SCN8A: variants seen among roughly 807,000 people sequenced by gnomAD.
SCN8A encodes sodium voltage-gated channel alpha subunit 8, also known as sodium channel protein type 8 subunit alpha.
Under a neutral mutation model 184.1 loss-of-function variants are expected in SCN8A, and 30 were observed. The ratio of observed to expected loss-of-function variants is 0.16; its 90% CI spans 0.12 to 0.22. SCN8A has a LOEUF of 0.22. Ranked by LOEUF, SCN8A falls within the 10% of genes least tolerant of loss-of-function variation. The pLI, the probability that SCN8A is intolerant of heterozygous loss-of-function variation, is 1.00. For synonymous variants in SCN8A, 852 were observed against 907.0 expected (o/e 0.94, Z 1.09); for missense variants, 1,057 against 2,498.9 (o/e 0.42, Z 12.30).
At chr12:51,616,084 A>G in intron 1 of SCN8A, among the ~76,000 whole-genome samples, 1 of 152,168 alleles carries the variant, frequency 6.6e-6, no homozygotes, top group East Asian at 1.9e-4. Flanking sequence ...TATTACATTT[A>G]CCTTGGTATT....
intron 15 of SCN8A, among the ~76,000 whole-genome samples, chr12:51,765,290 G>A (rs1942821203): frequency 6.6e-6 from 1 of 151,850 alleles, no homozygotes; most frequent in Admixed American, 6.6e-5. Flanking sequence ...TCCCATACTA[G>A]TCTTTTGGTT....
chr12:51,715,605 C>T (rs2138769011), intron 11 of SCN8A, among the ~76,000 whole-genome samples: 1 of 134,758 alleles, frequency 7.4e-6, no homozygotes, highest in East Asian at 2.2e-4. Context: ...TTTCAGCAAG[C>T]CAAGATTGCA....
intron 5 of SCN8A, chr12:51,688,611 G>A (rs891110055): frequency 3.4e-5 from 21 of 626,060 alleles, no homozygotes; most frequent in Non-Finnish European, 5.1e-5. Context: ...AAAAACAAAT[G>A]TTCCTTAAAT....
intron 11 of SCN8A, among the ~76,000 whole-genome samples, chr12:51,716,087 A>C (rs1445564869): frequency 6.6e-6 from 1 of 152,234 alleles, no homozygotes; most frequent in Non-Finnish European, 1.5e-5. Flanking sequence ...TAATCTCAGC[A>C]CTTTGGGAGG....
chr12:51,713,738 A>C (rs964300534), intron 11 of SCN8A: 1 of 324,136 alleles, frequency 3.1e-6, no homozygotes, highest in Non-Finnish European at 5.5e-6. Context: ...TAATTGCTCT[A>C]TTGCAGCAGT....
intron 1 of SCN8A, among the ~76,000 whole-genome samples, chr12:51,645,110 C>A (rs1470649729): frequency 2.0e-5 from 3 of 149,042 alleles, no homozygotes; most frequent in African/African-American, 7.4e-5. Context: ...CCAGCCGCCC[C>A]GTCTGGCAGG....
intron 16 of SCN8A, chr12:51,766,301 A>T (rs1258692988): frequency 2.0e-6 from 1 of 504,694 alleles, no homozygotes; most frequent in Non-Finnish European, 3.6e-6. Flanking sequence ...TCCCAAATAA[A>T]TATAGGGCTT....
intron 6 of SCN8A, 100 bp downstream of exon 6, chr12:51,689,196 T>C: frequency 1.1e-6 from 1 of 882,552 alleles, no homozygotes; most frequent in South Asian, 1.6e-5. Flanking sequence ...CAGTTGATAA[T>C]GGCCTTGCAT....
Position 51,705,226 on chromosome 12 carries a change from G to A in SCN8A, c.1135-191G>A, listed in dbSNP as rs552433182. ...GGAGATAACTACTGCCATTTAATAT[G>A]AGTTGAGGATAAGTGAAACCATTCA... On this transcript the variant is annotated intron_variant, in intron 9 of 26. Transcript: ENST00000627620. Among the ~76,000 whole-genome samples the A allele has an allele frequency of 7.2e-5, 11 of 152,276 alleles. No homozygotes were observed. In the East Asian group the frequency reaches 1.2e-3, roughly 16 times the overall value.
intron 2 of SCN8A, among the ~76,000 whole-genome samples, chr12:51,679,782 G>C (rs1941296763): frequency 6.8e-6 from 1 of 147,954 alleles, no homozygotes; most frequent in African/African-American, 2.6e-5. Context: ...CTGGAGTGCA[G>C]TGGTGCAATC....
chr12:51,709,507 A>G (rs1337566451), intron 11 of SCN8A, among the ~76,000 whole-genome samples: 3 of 152,208 alleles, frequency 2.0e-5, no homozygotes, highest in African/African-American at 7.2e-5. Flanking sequence ...GCCATGATCA[A>G]TGGATTGAAA....
chr12:51,749,551 A>G (rs1236424675), intron 13 of SCN8A, among the ~76,000 whole-genome samples: 1 of 152,118 alleles, frequency 6.6e-6, no homozygotes, highest in Non-Finnish European at 1.5e-5. Context: ...AACTATATTT[A>G]CCTTAGGAAG....
At chr12:51,750,296 A>T (rs1036882137) in intron 13 of SCN8A, among the ~76,000 whole-genome samples, 1 of 152,168 alleles carries the variant, frequency 6.6e-6, no homozygotes, top group African/African-American at 2.4e-5. Context: ...GTTTGACAAT[A>T]ACACTTTCTG....
At chr12:51,614,441 C>T (rs1342708333) in intron 1 of SCN8A, among the ~76,000 whole-genome samples, 1 of 151,996 alleles carries the variant, frequency 6.6e-6, no homozygotes, top group African/African-American at 2.4e-5. Context: ...ATTTATTTTC[C>T]ACTTTTTACT....
intron 2 of SCN8A, among the ~76,000 whole-genome samples, chr12:51,669,178 A>G (rs1666536729): frequency 6.6e-6 from 1 of 152,236 alleles, no homozygotes; most frequent in African/African-American, 2.4e-5. Flanking sequence ...TTTCAGCCTC[A>G]TAATCATCTT....
intron 1 of SCN8A, among the ~76,000 whole-genome samples, chr12:51,615,881 C>CT (rs1419261999): frequency 1.3e-5 from 2 of 151,904 alleles, no homozygotes; most frequent in Admixed American, 6.6e-5. Context: ...TCCTTCATGC[C>CT]TGGCTAATTT....
intron 1 of SCN8A, among the ~76,000 whole-genome samples, chr12:51,613,972 A>G (rs1173776738): frequency 6.6e-6 from 1 of 152,070 alleles, no homozygotes; most frequent in Non-Finnish European, 1.5e-5. Flanking sequence ...CCAAGATATG[A>G]TCTAGCTTGG....
intron 11 of SCN8A, among the ~76,000 whole-genome samples, chr12:51,710,863 T>C (rs560006921): frequency 1.1e-4 from 17 of 152,366 alleles, no homozygotes; most frequent in African/African-American, 4.1e-4. Flanking sequence ...TGCTTTTTAC[T>C]CTACATATAG....
At chr12:51,699,888 C>CG in intron 7 of SCN8A, 97 bp downstream of exon 7, 1 of 1,047,162 alleles carries the variant, frequency 9.5e-7, no homozygotes, top group Non-Finnish European at 1.4e-6. Context: ...AGTTGGAGGC[C>CG]GGGCGCGGTG....
Sources: allele counts gnomAD v4.1 joint callset (sites outside exome capture counted in the v4.1 genomes callset), GRCh38; gene constraint gnomAD v4.1.1; transcripts MANE v1.5; gene names NCBI Gene and HGNC (gene_info 2026-07-23, HGNC 2026-07-21).